CFAP20DC: variants seen among roughly 807,000 people sequenced by gnomAD.
CFAP20DC encodes the protein protein CFAP20DC.
In CFAP20DC, 84 loss-of-function variants were observed where a neutral mutation model predicts 101.7. The observed-to-expected ratio is 0.83, with a 90% CI of 0.69 to 0.99. CFAP20DC has a LOEUF of 0.99. CFAP20DC is among the 50% of genes least tolerant of loss of function. CFAP20DC has a pLI of 0.00. For synonymous variants in CFAP20DC, 359 were observed against 351.2 expected (o/e 1.02, Z -0.25); for missense variants, 1,007 against 970.3 (o/e 1.04, Z -0.50).
chr3:58,773,785 C>T (rs1413011012), intron 15 of CFAP20DC, among the ~76,000 whole-genome samples: 1 of 151,984 alleles, frequency 6.6e-6, no homozygotes, highest in Non-Finnish European at 1.5e-5. Flanking sequence ...ATAATGGTTC[C>T]TGGGCTGATA....
At position 58,799,014 on chromosome 3, in the gene CFAP20DC, T is replaced by C. The variant is rs1380531292; in HGVS notation, c.2237+7381A>G. 1.3e-5 allele frequency among the ~76,000 whole-genome samples: 2 copies of C among 152,224 alleles called. No individual in the cohort carries two copies. Among genetic ancestry groups the C allele is most frequent in the South Asian group, 2.1e-4 (1 of 4,830 alleles). On this transcript the variant is annotated intron_variant, in intron 15 of 16. Transcript: ENST00000482387. This position sits in a 1 kb window ranked among gnomAD's most constrained non-coding sequence, Gnocchi z 4.9. ...AATTCTTGTGATTTTTGCTTTACTG[T>C]GGTGGTCTGAAACTCAACCTACAAT...
At chr3:59,037,998 C>T (rs1202598474) in intron 4 of CFAP20DC, among the ~76,000 whole-genome samples, 7 of 152,006 alleles carry the variant, frequency 4.6e-5, no homozygotes, top group African/African-American at 1.7e-4. Flanking sequence ...AAGCTGGAAA[C>T]CATCACTCTC....
At chr3:58,962,508 T>C (rs1188112640) in intron 4 of CFAP20DC, among the ~76,000 whole-genome samples, 2 of 152,174 alleles carry the variant, frequency 1.3e-5, no homozygotes, top group African/African-American at 2.4e-5. Context: ...TGACCACAAA[T>C]TCTCTGTTCA....
At chr3:58,977,353 A>G (rs906531912) in intron 4 of CFAP20DC, among the ~76,000 whole-genome samples, 1 of 152,220 alleles carries the variant, frequency 6.6e-6, no homozygotes, top group Non-Finnish European at 1.5e-5. Flanking sequence ...AGCCTTTCTC[A>G]GGTAGGAAGT....
intron 4 of CFAP20DC, among the ~76,000 whole-genome samples, chr3:58,959,742 T>C (rs966964765): frequency 8.5e-5 from 13 of 152,220 alleles, no homozygotes; most frequent in African/African-American, 3.1e-4. Context: ...ATTTTACCTT[T>C]GAATTCCATA....
intron 15 of CFAP20DC, among the ~76,000 whole-genome samples, chr3:58,806,194 A>C (rs894811231): frequency 1.3e-5 from 2 of 152,228 alleles, no homozygotes; most frequent in Admixed American, 1.3e-4. Context: ...ACAGCTAGTA[A>C]AAGGTAGATA....
At chr3:58,764,344 G>T (rs2070044296) in intron 15 of CFAP20DC, among the ~76,000 whole-genome samples, 1 of 152,166 alleles carries the variant, frequency 6.6e-6, no homozygotes, top group African/African-American at 2.4e-5. Flanking sequence ...CCAGGCGTGG[G>T]ATATAATCTC....
intron 7 of CFAP20DC, among the ~76,000 whole-genome samples, chr3:58,870,894 C>CAAAAAAAAAAAAAAAA (rs548763648): frequency 5.3e-5 from 1 of 18,954 alleles, no homozygotes; most frequent in Non-Finnish European, 1.6e-4. Flanking sequence ...GACTCCGTCT[C>CAAAAAAAAAAAAAAAA]AAAAAAAAAA....
downstream of CFAP20DC, among the ~76,000 whole-genome samples, chr3:58,740,788 T>C (rs1399219702): frequency 6.6e-6 from 1 of 152,162 alleles, no homozygotes; most frequent in Non-Finnish European, 1.5e-5. The surrounding 1 kb of genome is among the most constrained non-coding windows in gnomAD (Gnocchi z 4.6). Context: ...ATATGTCCCT[T>C]ATATATGGTC....
rs142965138 is a variant in CFAP20DC, at chr3:58,764,332, A to G, written c.2238-10469T>C. On this transcript the variant is annotated intron_variant, in intron 15 of 16. Coordinates refer to ENST00000482387, the MANE Select transcript of CFAP20DC (RefSeq NM_001394063.1). ...GGCTCCGTTGGTGTAGGATCCTCCG[A>G]GCCAGGCGTGGGATATAATCTCCTG... Among the ~76,000 whole-genome samples, 579 of 152,252 alleles carry G rather than the reference A, an allele frequency of 3.8e-3. 4 individuals carry two copies. The highest frequency in any genetic ancestry group is 0.013 in the African/African-American group (544 of 41,550).
chr3:59,020,771 G>T (rs1576744261), intron 4 of CFAP20DC, among the ~76,000 whole-genome samples: 1 of 152,010 alleles, frequency 6.6e-6, no homozygotes, highest in Non-Finnish European at 1.5e-5. Flanking sequence ...TTGCTCTTCT[G>T]CTCTCACCTT....
intron 4 of CFAP20DC, among the ~76,000 whole-genome samples, chr3:59,021,167 G>A (rs987990038): frequency 6.6e-6 from 1 of 152,016 alleles, no homozygotes; most frequent in Admixed American, 6.6e-5. Flanking sequence ...TATTTAGCTA[G>A]AGAAACACTA....
chr3:58,808,319 G>T, intron 14 of CFAP20DC, among the ~76,000 whole-genome samples: 1 of 152,158 alleles, frequency 6.6e-6, no homozygotes, highest in East Asian at 1.9e-4. Context: ...AGAGAGAAAG[G>T]TCGGGGTACC....
chr3:58,972,011 T>C (rs1011075094), intron 4 of CFAP20DC, among the ~76,000 whole-genome samples: 1 of 152,122 alleles, frequency 6.6e-6, no homozygotes, highest in Non-Finnish European at 1.5e-5. Flanking sequence ...AATTTTAAAA[T>C]GGCAGAGTTT....
chr3:58,834,394 A>G (rs904719598), intron 13 of CFAP20DC, among the ~76,000 whole-genome samples: 1 of 152,204 alleles, frequency 6.6e-6, no homozygotes, highest in Non-Finnish European at 1.5e-5. Context: ...ACACTTTTAC[A>G]ATGAAAAACA....
chr3:59,027,628 T>C (rs2093916438), intron 4 of CFAP20DC, among the ~76,000 whole-genome samples: 1 of 152,214 alleles, frequency 6.6e-6, no homozygotes, highest in Non-Finnish European at 1.5e-5. Flanking sequence ...ATTCAGAAGA[T>C]GAATACAATT....
chr3:58,863,258 C>T lies in CFAP20DC; in HGVS notation c.1593+300G>A, dbSNP rs554214830. 6 of 1,388,948 alleles carry T rather than the reference C, an allele frequency of 4.3e-6. No individual in the cohort carries two copies. In the South Asian group the frequency reaches 8.9e-5, roughly 21 times the overall value. 86.0% of individuals were successfully genotyped at this position (1,388,948 alleles called of 1,614,324 possible). A position where few individuals can be genotyped will look rare whatever the true frequency, so the allele number is the denominator to read the frequency against. On this transcript the variant is annotated intron_variant, in intron 12 of 16. Transcript: ENST00000482387. This position sits in a 1 kb window ranked among gnomAD's most constrained non-coding sequence, Gnocchi z 5.9. ...TGTTTTACTGGTCTTGCTATCATAGCACTAAACTGCATATCGTTTCTCATC... is the reference window on the plus strand; with the variant it reads ...TGTTTTACTGGTCTTGCTATCATAGTACTAAACTGCATATCGTTTCTCATC...
intron 4 of CFAP20DC, among the ~76,000 whole-genome samples, chr3:58,996,760 A>G (rs923017764): frequency 6.6e-6 from 1 of 152,358 alleles, no homozygotes; most frequent in Admixed American, 6.5e-5. Flanking sequence ...GTGCTGATTT[A>G]TATTGTGGCC....
At chr3:58,993,402 A>G (rs971845862) in intron 4 of CFAP20DC, among the ~76,000 whole-genome samples, 1 of 152,176 alleles carries the variant, frequency 6.6e-6, no homozygotes, top group Non-Finnish European at 1.5e-5. Context: ...TTCTCTAGTT[A>G]TCTTCATGGT....
Sources: allele counts gnomAD v4.1 joint callset (sites outside exome capture counted in the v4.1 genomes callset), GRCh38; gene constraint gnomAD v4.1.1; non-coding constraint Gnocchi (gnomAD v3.1); transcripts MANE v1.5; gene names NCBI Gene and HGNC (gene_info 2026-07-23, HGNC 2026-07-21).